ZNF470: variants seen among roughly 807,000 people sequenced by gnomAD.
ZNF470 encodes the protein zinc finger protein 470.
In ZNF470, 13 loss-of-function variants were observed where a neutral mutation model predicts 13.9. The ratio of observed to expected loss-of-function variants is 0.94; its 90% CI spans 0.61 to 1.49. The LOEUF (loss-of-function observed/expected upper bound fraction) is 1.49. Ranked by LOEUF, ZNF470 falls within the 40% of genes most tolerant of loss-of-function variation. ZNF470 has a pLI of 0.00. For synonymous variants in ZNF470, 293 were observed against 282.9 expected (o/e 1.04, Z -0.36); for missense variants, 929 against 857.3 (o/e 1.08, Z -1.04).
intron 3 of ZNF470, among the ~76,000 whole-genome samples, chr19:56,573,504 A>AT (rs1308952019): frequency 6.6e-6 from 1 of 152,268 alleles, no homozygotes; most frequent in Non-Finnish European, 1.5e-5. Flanking sequence ...AAGTGAAGTC[A>AT]TAAAAAAATT....
Position 56,578,518 on chromosome 19 carries a change from C to G in ZNF470, c.2089C>G (p.Arg697Gly), listed in dbSNP as rs780107390. ...GAGTGTACATCTTGCTCATCATCAG[C>G]GAATTCATACCGGAGAGTCATCAGT... is the stretch of plus-strand genomic sequence containing the variant. ...RQSVHLAHHQ[R>G]IHTGESSVIL... The change falls in exon 6 of 6, where the codon CGA becomes GGA. Residue 697 changes from arginine to glycine, a missense_variant. Arg to Gly is a moderately radical substitution (Grantham distance 125). Coordinates refer to ENST00000330619, the MANE Select transcript of ZNF470 (RefSeq NM_001001668.4). The G allele has an allele frequency of 6.3e-7, 1 of 1,599,840 alleles. No individual in the cohort carries two copies. The highest frequency in any genetic ancestry group is 1.1e-5 in the South Asian group (1 of 88,948).
At chr19:56,568,506 C>T (rs1258755818) in intron 1 of ZNF470, among the ~76,000 whole-genome samples, 1 of 152,132 alleles carries the variant, frequency 6.6e-6, no homozygotes, top group Non-Finnish European at 1.5e-5. Context: ...TAGTCAATAA[C>T]GGAAGATATC....
rs758894880 is a variant in ZNF470, at chr19:56,578,107, A to T, written c.1678A>T (p.Thr560Ser). The change falls in exon 6 of 6, where the codon ACT (threonine) becomes TCT (serine). Residue 560 changes from threonine to serine, a missense_variant. By Grantham distance (58) the Thr-to-Ser change is moderately conservative (BLOSUM62 1). Transcript: ENST00000330619. The stretch of plus-strand genomic sequence containing the variant: ...CCTTGTTCAGCACCAGAGAGTTCAT[A>T]CTGGTGAGAAGCCTTACGAATGTAT... ...AHLVQHQRVH[T>S]GEKPYECIEC... is the part of the protein sequence containing the mutation. The T allele has an allele frequency of 6.2e-7, 1 of 1,614,038 alleles. No individual in the cohort carries two copies. Among genetic ancestry groups the T allele is most frequent in the South Asian group, 1.1e-5 (1 of 91,082 alleles).
chr19:56,572,952 A>G lies in ZNF470; in HGVS notation c.61-1442A>G, dbSNP rs970910227. On this transcript the variant is annotated intron_variant, in intron 3 of 5. Transcript: ENST00000330619. Reference sequence around the variant, plus strand: ...AGCATCAGGGTGAAGGAAGTGCAACAGAAATGGGAAATATTATATGTAAAT... The same window carrying G: ...AGCATCAGGGTGAAGGAAGTGCAACGGAAATGGGAAATATTATATGTAAAT... Among the ~76,000 whole-genome samples the G allele has an allele frequency of 2.6e-5, 4 of 152,356 alleles. No individual in the cohort carries two copies. In the East Asian group the frequency reaches 7.7e-4, roughly 29 times the overall value.
At chr19:56,574,197 TTTTTCCTA>T in intron 3 of ZNF470, 189 bp from the exon 4 acceptor site, 3 of 917,316 alleles carry the variant, frequency 3.3e-6, no homozygotes, top group Non-Finnish European at 5.1e-6. Context: ...CATTTTTTTC[TTTTTCCTA>T]ATATGTACAG....
At position 56,579,004 on chromosome 19, in the gene ZNF470, A is replaced by G. The variant is rs2044515079; in HGVS notation, c.*421A>G. 1 of 989,324 alleles carries G rather than the reference A, an allele frequency of 1.0e-6. No individual in the cohort carries two copies. The highest frequency in any genetic ancestry group is 1.2e-6 in the Non-Finnish European group (1 of 832,724). The allele number at this position is 989,324 out of a possible 1,614,324, so 61.3% of individuals were successfully genotyped here. A position where few individuals can be genotyped will look rare whatever the true frequency, so the allele number is the denominator to read the frequency against. On this transcript the variant is annotated 3_prime_UTR_variant, in exon 6 of 6. Coordinates refer to ENST00000330619, the MANE Select transcript of ZNF470 (RefSeq NM_001001668.4). ...TCCTGGTAGAGAGGAAAGATGAACA[A>G]ACTCAGAATTGAAAGATTTATGGTA... is the stretch of plus-strand genomic sequence containing the variant.
In ZNF470 at chr19:56,577,901, G is replaced by A. The variant is rs779256798; in HGVS notation, c.1472G>A (p.Arg491Gln). The change falls in exon 6 of 6, where the codon CGG becomes CAG. Residue 491 changes from arginine to glutamine, a missense_variant. Physicochemically the swap from Arg to Gln is conservative, Grantham distance 43. Transcript: ENST00000330619. ...TGTAAAGAATGTGGGAAAGCTTTCC[G>A]GCAGAGCACGCATCTGGCTCATCAT... ...YECKECGKAF[R>Q]QSTHLAHHQR... 10 of 1,613,860 alleles carry A rather than the reference G, an allele frequency of 6.2e-6. No homozygotes were observed. Among genetic ancestry groups the A allele is most frequent in the East Asian group, 2.2e-5 (1 of 44,872 alleles).
rs2044520362 is a variant in ZNF470 at position 56,579,610 on chromosome 19, T to C, written c.*1027T>C. The C allele has an allele frequency of 5.1e-6, 5 of 985,462 alleles. 1 individual carries two copies. In the Admixed American group the frequency reaches 3.1e-4, roughly 61 times the overall value. 61.0% of individuals were successfully genotyped at this position (985,462 alleles called of 1,614,324 possible). On this transcript the variant is annotated 3_prime_UTR_variant, in exon 6 of 6. Coordinates refer to ENST00000330619, the MANE Select transcript of ZNF470 (RefSeq NM_001001668.4). Reference sequence around the variant, plus strand: ...AATTCGTGTGGTATTTAAATTGTTCTAGCATAAAATAAAATGCAATAAGAC... The same window carrying C: ...AATTCGTGTGGTATTTAAATTGTTCCAGCATAAAATAAAATGCAATAAGAC...
chr19:56,575,983 T>C (rs978581909), intron 5 of ZNF470, among the ~76,000 whole-genome samples: 16 of 152,202 alleles, frequency 1.1e-4, no homozygotes, highest in East Asian at 5.8e-4. Flanking sequence ...TTAGAAACAG[T>C]AGCGCTACTG....
At position 56,581,814 on chromosome 19, in the gene ZNF470, C is replaced by T; in HGVS notation, c.*3231C>T. On this transcript the variant is annotated 3_prime_UTR_variant, in exon 6 of 6. Coordinates refer to ENST00000330619, the MANE Select transcript of ZNF470 (RefSeq NM_001001668.4). ...ACCATATGTTTTTGATGGACGTGGC[C>T]AATAAAATTGTCTCTGAATTTCAAA... 2 of 985,282 alleles carry T rather than the reference C, an allele frequency of 2.0e-6. No homozygotes were observed. The highest frequency in any genetic ancestry group is 2.4e-6 in the Non-Finnish European group (2 of 829,920). 61.0% of individuals were successfully genotyped at this position (985,282 alleles called of 1,614,324 possible).
rs2044492475 is a variant in ZNF470 at position 56,576,903 on chromosome 19, A to G, written c.474A>G (p.Gln158=). The change falls in exon 6 of 6, where the codon CAA becomes CAG. Residue 158 remains glutamine (Q), a synonymous_variant. Coordinates refer to ENST00000330619, the MANE Select transcript of ZNF470 (RefSeq NM_001001668.4). The stretch of plus-strand genomic sequence containing the variant: ...TAAACCAGAAGACACATTTTAGGCA[A>G]GAGACCATCACTCATATAGATACTC... ...ELVNQKTHFR[Q]ETITHIDTLI... 4 of 1,575,610 alleles carry G rather than the reference A, an allele frequency of 2.5e-6. No homozygotes were observed. The highest frequency in any genetic ancestry group is 3.4e-6 in the Non-Finnish European group (4 of 1,167,752).
At chr19:56,573,354 GA>G (rs1166788732) in intron 3 of ZNF470, among the ~76,000 whole-genome samples, 2 of 152,160 alleles carry the variant, frequency 1.3e-5, no homozygotes, top group African/African-American at 4.8e-5. Flanking sequence ...TTTCAGATGG[GA>G]AAACTGAGGC....
chr19:56,576,702 A>G lies in ZNF470; in HGVS notation c.284-11A>G, dbSNP rs373748690. 9 of 1,373,304 alleles carry G rather than the reference A, an allele frequency of 6.6e-6. No homozygotes were observed. In the South Asian group the frequency reaches 1.9e-4, roughly 29 times the overall value. The allele number at this position is 1,373,304 out of a possible 1,614,324, so 85.1% of individuals were successfully genotyped here. A position where few individuals can be genotyped will look rare whatever the true frequency, so the allele number is the denominator to read the frequency against. On this transcript the variant is annotated splice_polypyrimidine_tract_variant and intron_variant, in intron 5 of 5. Transcript: ENST00000330619. ...AATAAAGGAGACATTTACTTTCTTA[A>G]TATCTTTCAGACTTGGAGTGTGTGT...
In ZNF470 at chr19:56,567,519, A is replaced by T. The variant is rs1031709876; in HGVS notation, c.-678A>T. On this transcript the variant is annotated 5_prime_UTR_variant, in exon 1 of 6. Coordinates refer to ENST00000330619, the MANE Select transcript of ZNF470 (RefSeq NM_001001668.4). ...CGAGTGCACGTCCCGCCGGTTGCTG[A>T]GGAGAAGGGAGGTCTGGGCGGGGCA... 2.0e-6 allele frequency: 2 copies of T among 985,822 alleles called. No individual in the cohort carries two copies. The highest frequency in any genetic ancestry group is 3.5e-5 in the African/African-American group (2 of 57,238). 61.1% of individuals were successfully genotyped at this position (985,822 alleles called of 1,614,324 possible). A position where few individuals can be genotyped will look rare whatever the true frequency, so the allele number is the denominator to read the frequency against.
chr19:56,580,092 A>G lies in ZNF470; in HGVS notation c.*1509A>G. On this transcript the variant is annotated 3_prime_UTR_variant, in exon 6 of 6. Coordinates refer to ENST00000330619, the MANE Select transcript of ZNF470 (RefSeq NM_001001668.4). Reference sequence around the variant, plus strand: ...TAAGTATATGATATGTCCCATAAAGAGAAATGATATAAAAAAGAAGCTAGG... The same window carrying G: ...TAAGTATATGATATGTCCCATAAAGGGAAATGATATAAAAAAGAAGCTAGG... 1.1e-6 allele frequency: 1 copy of G among 923,486 alleles called. No individual in the cohort carries two copies. The highest frequency in any genetic ancestry group is 1.3e-6 in the Non-Finnish European group (1 of 773,664). 57.2% of individuals were successfully genotyped at this position (923,486 alleles called of 1,614,324 possible). A position where few individuals can be genotyped will look rare whatever the true frequency, so the allele number is the denominator to read the frequency against.
chr19:56,570,230 C>A, intron 2 of ZNF470, 50 bp from the exon 3 acceptor site: 2 of 1,379,582 alleles, frequency 1.4e-6, no homozygotes, highest in South Asian at 1.2e-5. Context: ...CATTTTCAGA[C>A]TTTGATTATT....
At position 56,579,224 on chromosome 19, in the gene ZNF470, C is replaced by T. The variant is rs2044517006; in HGVS notation, c.*641C>T. On this transcript the variant is annotated 3_prime_UTR_variant, in exon 6 of 6. Transcript: ENST00000330619. ...ATTGCTTGAGCTCAGGAGTTCGAGACCAACCTGAGCAACATGGTGAAACCC... is the reference window on the plus strand; with the variant it reads ...ATTGCTTGAGCTCAGGAGTTCGAGATCAACCTGAGCAACATGGTGAAACCC... The T allele has an allele frequency of 1.4e-5, 12 of 828,994 alleles. No individual in the cohort carries two copies. The highest frequency in any genetic ancestry group is 6.1e-4 in the Middle Eastern group (1 of 1,638). The allele number at this position is 828,994 out of a possible 1,614,324, so 51.4% of individuals were successfully genotyped here.
rs779977652 is a variant in ZNF470, at chr19:56,577,597, TATC to T, written c.1171_1173del (p.His391del). On this transcript the variant is annotated inframe_deletion, in exon 6 of 6. Coordinates refer to ENST00000330619, the MANE Select transcript of ZNF470 (RefSeq NM_001001668.4). ...TTCTCTTATACGTCATCGGCGATATTATCATACTGGAGAGAAACCCTTTGACTG... is the reference window on the plus strand; with the variant it reads ...TTCTCTTATACGTCATCGGCGATATTATACTGGAGAGAAACCCTTTGACTG... 9 of 1,613,806 alleles carry T rather than the reference TATC, an allele frequency of 5.6e-6. No individual in the cohort carries two copies. The East Asian group carries it at 6.7e-5, about 12-fold the overall frequency.
rs2044535879 is a variant in ZNF470, at chr19:56,581,513, TAATA to T, written c.*2938_*2941del. ...TTAAAACAACAAGTGTCCATCAGGG[TAATA>T]AATAAATTAATTATGGTATATATCC... On this transcript the variant is annotated 3_prime_UTR_variant, in exon 6 of 6. Coordinates refer to ENST00000330619, the MANE Select transcript of ZNF470 (RefSeq NM_001001668.4). 1.1e-5 allele frequency: 9 copies of T among 855,288 alleles called. No individual in the cohort carries two copies. The highest frequency in any genetic ancestry group is 1.1e-4 in the South Asian group (2 of 18,516). 53.0% of individuals were successfully genotyped at this position (855,288 alleles called of 1,614,324 possible).
Sources: allele counts gnomAD v4.1 joint callset (sites outside exome capture counted in the v4.1 genomes callset), GRCh38; gene constraint gnomAD v4.1.1; transcripts MANE v1.5; gene names NCBI Gene and HGNC (gene_info 2026-07-23, HGNC 2026-07-21).